Variants in PRTFDC1 observed in about 807,000 individuals in gnomAD.
PRTFDC1 encodes the protein phosphoribosyl transferase domain containing 1.
In PRTFDC1, 38 loss-of-function variants were observed where a neutral mutation model predicts 34.6. That is an observed-to-expected ratio of 1.10 (90% CI 0.85 to 1.44). PRTFDC1 has a LOEUF of 1.44. PRTFDC1 is among the 40% of genes most tolerant of loss of function. PRTFDC1 has a pLI of 0.00. For missense variants in PRTFDC1, 270 were observed against 283.0 expected (o/e 0.95, Z 0.33); for synonymous variants, 93 against 98.1 (o/e 0.95, Z 0.31).
At chr10:24,942,231 C>T (rs944355970) in intron 2 of PRTFDC1, 99 bp downstream of exon 2, 9 of 935,222 alleles carry the variant, frequency 9.6e-6, no homozygotes, top group Admixed American at 2.0e-5. Flanking sequence ...CACTATAAAA[C>T]GCAGCTCAGG....
At chr10:24,951,874 C>T (rs1461499759) in intron 1 of PRTFDC1, among the ~76,000 whole-genome samples, 1 of 152,138 alleles carries the variant, frequency 6.6e-6, no homozygotes, top group Non-Finnish European at 1.5e-5. Context: ...GGACACACTG[C>T]TAGATATTTT....
At chr10:24,882,027 TA>T (rs773971979) in intron 3 of PRTFDC1, among the ~76,000 whole-genome samples, 2 of 151,658 alleles carry the variant, frequency 1.3e-5, no homozygotes, top group African/African-American at 2.4e-5. Context: ...GCCAACACGG[TA>T]AAACCCTGTC....
rs549332080 is a variant in PRTFDC1, at chr10:24,942,261, T to C, written c.155+69A>G. ...CTCAGGAATAGGGTCCTAAAGTATA[T>C]TGTGGGATTCACACAAGTGTGGGCC... is the stretch of plus-strand genomic sequence containing the variant. On this transcript the variant is annotated intron_variant, in intron 2 of 8. Transcript: ENST00000320152. The C allele has an allele frequency of 8.3e-5, 106 of 1,270,956 alleles. 3 individuals carry two copies. Among genetic ancestry groups the C allele is most frequent in the South Asian group, 6.6e-4 (55 of 83,730 alleles). The allele number at this position is 1,270,956 out of a possible 1,614,324, so 78.7% of individuals were successfully genotyped here. A position where few individuals can be genotyped will look rare whatever the true frequency, so the allele number is the denominator to read the frequency against.
At chr10:24,859,528 G>A (rs1336220575) in intron 4 of PRTFDC1, among the ~76,000 whole-genome samples, 3 of 152,288 alleles carry the variant, frequency 2.0e-5, no homozygotes, top group South Asian at 2.1e-4. Flanking sequence ...TTACAGGCAC[G>A]AGCCGCCACA....
At chr10:24,950,881 C>G (rs760906922) in intron 1 of PRTFDC1, among the ~76,000 whole-genome samples, 74 of 152,204 alleles carry the variant, frequency 4.9e-4, no homozygotes, top group Non-Finnish European at 9.6e-4. Flanking sequence ...TCTCTCCAAT[C>G]ACTCTCCAGA....
chr10:24,899,644 A>G (rs926203279), intron 3 of PRTFDC1, among the ~76,000 whole-genome samples: 4 of 152,198 alleles, frequency 2.6e-5, no homozygotes, highest in Non-Finnish European at 5.9e-5. Context: ...CTACCATGCT[A>G]TCATCAGAGA....
intron 3 of PRTFDC1, among the ~76,000 whole-genome samples, chr10:24,886,839 C>T (rs1848175187): frequency 6.6e-6 from 1 of 152,066 alleles, no homozygotes; most frequent in South Asian, 2.1e-4. Context: ...CACAGGCCAC[C>T]CTTTGAGTAG....
At chr10:24,929,437 T>G (rs1848938696) in intron 3 of PRTFDC1, among the ~76,000 whole-genome samples, 2 of 152,298 alleles carry the variant, frequency 1.3e-5, no homozygotes, top group South Asian at 4.1e-4. Flanking sequence ...AGTTGTATTT[T>G]AGCTCCAAAA....
intron 3 of PRTFDC1, among the ~76,000 whole-genome samples, chr10:24,884,944 T>G (rs535547189): frequency 6.6e-5 from 10 of 152,278 alleles, no homozygotes; most frequent in African/African-American, 1.9e-4. Flanking sequence ...ATTAAGAGCT[T>G]CCTGGATCAG....
intron 3 of PRTFDC1, among the ~76,000 whole-genome samples, chr10:24,933,534 C>A (rs1849000619): frequency 6.6e-6 from 1 of 151,916 alleles, no homozygotes; most frequent in Non-Finnish European, 1.5e-5. Flanking sequence ...AATTAAACCA[C>A]AATGTGATAT....
At chr10:24,934,277 C>T (rs1208182684) in intron 3 of PRTFDC1, among the ~76,000 whole-genome samples, 1 of 150,536 alleles carries the variant, frequency 6.6e-6, no homozygotes, top group Non-Finnish European at 1.5e-5. Context: ...AGAAGAAGAA[C>T]TGATACGAAG....
At chr10:24,931,693 A>G (rs911179734) in intron 3 of PRTFDC1, among the ~76,000 whole-genome samples, 8 of 151,980 alleles carry the variant, frequency 5.3e-5, no homozygotes, top group Non-Finnish European at 1.0e-4. Context: ...GAATACTCCC[A>G]TATCTACTAA....
At chr10:24,891,723 T>C (rs1160966744) in intron 3 of PRTFDC1, among the ~76,000 whole-genome samples, 2 of 152,136 alleles carry the variant, frequency 1.3e-5, no homozygotes, top group Non-Finnish European at 2.9e-5. Flanking sequence ...ATCGTGCCAC[T>C]GCATTCCAGC....
chr10:24,950,153 T>C (rs112702406), intron 1 of PRTFDC1, among the ~76,000 whole-genome samples: 4,210 of 152,248 alleles, frequency 0.028, 102 homozygotes, highest in Non-Finnish European at 0.036. Context: ...CTCTCACTTG[T>C]TTTTTAGACT....
intron 8 of PRTFDC1, 77 bp from the exon 9 acceptor site, chr10:24,849,968 C>T (rs1477199946): frequency 1.1e-5 from 14 of 1,329,918 alleles, no homozygotes; most frequent in Admixed American, 1.0e-4. Flanking sequence ...CAGTAATAAC[C>T]GAATGCCATC....
At chr10:24,950,793 T>C (rs1849330558) in intron 1 of PRTFDC1, among the ~76,000 whole-genome samples, 1 of 152,086 alleles carries the variant, frequency 6.6e-6, no homozygotes, top group South Asian at 2.1e-4. Flanking sequence ...TCCTTAACAG[T>C]TGCTTTAATT....
At chr10:24,872,799 T>TAG (rs1480618839) in intron 3 of PRTFDC1, among the ~76,000 whole-genome samples, 4 of 123,146 alleles carry the variant, frequency 3.2e-5, no homozygotes, top group African/African-American at 1.5e-4. Context: ...TATATATATA[T>TAG]ATATATATTT....
At chr10:24,854,413 T>C (rs1002441454) in intron 7 of PRTFDC1, among the ~76,000 whole-genome samples, 1 of 152,130 alleles carries the variant, frequency 6.6e-6, no homozygotes, top group Non-Finnish European at 1.5e-5. Context: ...GAATGTAGAG[T>C]CACTGGCTAA....
At chr10:24,867,045 A>G (rs1167079695) in intron 4 of PRTFDC1, among the ~76,000 whole-genome samples, 1 of 151,524 alleles carries the variant, frequency 6.6e-6, no homozygotes, top group Non-Finnish European at 1.5e-5. Flanking sequence ...AGGGAGGGAG[A>G]GAGAGAGAGA....
Sources: gnomAD v4.1 joint callset for allele counts (sites outside exome capture counted in the v4.1 genomes callset) on GRCh38, gnomAD v4.1.1 for gene constraint, MANE v1.5 for transcripts, NCBI Gene and HGNC (gene_info 2026-07-23, HGNC 2026-07-21) for gene names.